Variants in KRT23 observed in about 807,000 individuals in gnomAD.
KRT23 encodes the protein keratin, type I cytoskeletal 23.
KRT23 carries 38 observed loss-of-function variants against 47.6 expected under a neutral mutation model. The ratio of observed to expected loss-of-function variants is 0.80; its 90% CI spans 0.62 to 1.05. The LOEUF (loss-of-function observed/expected upper bound fraction) is 1.05, where lower values mean the gene tolerates loss of function less well. KRT23 is among the 50% of genes least tolerant of loss of function. The pLI is 0.00. For synonymous variants in KRT23, 191 were observed against 199.0 expected (o/e 0.96, Z 0.34); for missense variants, 503 against 529.5 (o/e 0.95, Z 0.49).
intron 3 of KRT23, among the ~76,000 whole-genome samples, chr17:40,930,486 C>T (rs1026414668): frequency 6.6e-6 from 1 of 152,076 alleles, no homozygotes. Context: ...AATAAACAGG[C>T]CGGGCACGGT....
intron 6 of KRT23, among the ~76,000 whole-genome samples, chr17:40,927,957 C>A (rs1334062147): frequency 6.6e-6 from 1 of 152,118 alleles, no homozygotes; most frequent in Non-Finnish European, 1.5e-5. Flanking sequence ...GTTTTGGTTT[C>A]CTCATCTCTA....
At chr17:40,925,311 G>T in intron 7 of KRT23, 43 bp downstream of exon 7, 1 of 1,516,778 alleles carries the variant, frequency 6.6e-7, no homozygotes, top group Non-Finnish European at 9.2e-7. Flanking sequence ...CACAGGAGCT[G>T]GAGGTCCCTC....
intron 8 of KRT23, among the ~76,000 whole-genome samples, chr17:40,924,025 T>C (rs1909078944): frequency 6.6e-6 from 1 of 152,230 alleles, no homozygotes. Context: ...TTTAATACAC[T>C]GAACTGCAAC....
At position 40,922,947 on chromosome 17, in the gene KRT23, G is replaced by C; in HGVS notation, c.*42C>G. The C allele has an allele frequency of 6.9e-7, 1 of 1,439,124 alleles. No homozygotes were observed. The highest frequency in any genetic ancestry group is 9.8e-7 in the Non-Finnish European group (1 of 1,020,978). 89.1% of individuals were successfully genotyped at this position (1,439,124 alleles called of 1,614,324 possible). ...GGTGTCTGTGCAAGGACTTTCCTTGGGGGAAAATAGATTTTACAACAGGCG... is the reference window on the plus strand; with the variant it reads ...GGTGTCTGTGCAAGGACTTTCCTTGCGGGAAAATAGATTTTACAACAGGCG... On this transcript the variant is annotated 3_prime_UTR_variant, in exon 9 of 9. Transcript: ENST00000209718.
intron 3 of KRT23, among the ~76,000 whole-genome samples, chr17:40,931,149 C>T (rs3760336): frequency 0.12 from 18,192 of 151,176 alleles, 1,219 homozygotes; most frequent in East Asian, 0.2. Flanking sequence ...GTAGCTGGGA[C>T]TACAGGCGTG....
Position 40,929,996 on chromosome 17 carries a change from G to A in KRT23, c.580C>T (p.Gln194Ter), listed in dbSNP as rs747975380. The change falls in exon 4 of 9, where the codon CAG becomes TAG. Residue 194 changes from glutamine (Q) to a stop codon, truncating the protein, a stop_gained. Coordinates refer to ENST00000209718, the MANE Select transcript of KRT23 (RefSeq NM_015515.5). LOFTEE classifies it high-confidence loss of function. ...TCTTTCCTCATTCCTTCCACCTCCT[G>A]TTCTAGGTCTGTTGTGACAATGGTC... ...NLTIVTTDLEQEVEGMRKELI... is the reference protein window; with the variant it reads ...NLTIVTTDLE The A allele has an allele frequency of 4.3e-6, 7 of 1,614,128 alleles. No individual in the cohort carries two copies. The highest frequency in any genetic ancestry group is 5.9e-6 in the Non-Finnish European group (7 of 1,180,002).
chr17:40,928,202 G>A (rs1909351044), intron 6 of KRT23, 36 bp downstream of exon 6: 1 of 1,612,940 alleles, frequency 6.2e-7, no homozygotes, highest in Non-Finnish European at 8.5e-7. Context: ...TGAAGGAGGT[G>A]GTGTGGGATT....
rs180888146 is a variant in KRT23, at chr17:40,925,238, A to G, written c.1142+116T>C. ...TATAGGTATCTTCTGGAGTAGCTCA[A>G]CACAACTTTTCTCTTGCTAGAGTGA... On this transcript the variant is annotated intron_variant, in intron 7 of 8. Coordinates refer to ENST00000209718, the MANE Select transcript of KRT23 (RefSeq NM_015515.5). 2.3e-4 allele frequency: 195 copies of G among 843,718 alleles called. No homozygotes were observed. The East Asian group carries it at 3.1e-3, about 13-fold the overall frequency. 52.3% of individuals were successfully genotyped at this position (843,718 alleles called of 1,614,324 possible).
In KRT23 at chr17:40,922,850, C is replaced by T; in HGVS notation, c.*139G>A. On this transcript the variant is annotated 3_prime_UTR_variant, in exon 9 of 9. Coordinates refer to ENST00000209718, the MANE Select transcript of KRT23 (RefSeq NM_015515.5). Reference sequence around the variant, plus strand: ...GAGCATTATGAGAAGTCTGGTGAGACTGTTACAGAAAAAAAAAATAAAAGT... The same window carrying T: ...GAGCATTATGAGAAGTCTGGTGAGATTGTTACAGAAAAAAAAAATAAAAGT... 1 of 626,826 alleles carries T rather than the reference C, an allele frequency of 1.6e-6. No homozygotes were observed. The highest frequency in any genetic ancestry group is 2.0e-5 in the South Asian group (1 of 50,116). The allele number at this position is 626,826 out of a possible 1,614,324, so 38.8% of individuals were successfully genotyped here. A position where few individuals can be genotyped will look rare whatever the true frequency, so the allele number is the denominator to read the frequency against.
In KRT23 at chr17:40,936,702, T is replaced by A; in HGVS notation, c.-99A>T. 1.8e-6 allele frequency: 2 copies of A among 1,126,448 alleles called. No homozygotes were observed. The highest frequency in any genetic ancestry group is 2.4e-6 in the Non-Finnish European group (2 of 832,984). The allele number at this position is 1,126,448 out of a possible 1,614,324, so 69.8% of individuals were successfully genotyped here. A position where few individuals can be genotyped will look rare whatever the true frequency, so the allele number is the denominator to read the frequency against. On this transcript the variant is annotated 5_prime_UTR_variant, in exon 2 of 9. Transcript: ENST00000209718. The stretch of plus-strand genomic sequence containing the variant: ...CTGCCCTGGATGGTTTTATGGCCTT[T>A]GCTGTGGGAGTTCCCTTCTCTGACA...
chr17:40,928,755 C>T, intron 4 of KRT23, 148 bp from the exon 5 acceptor site: 1 of 660,926 alleles, frequency 1.5e-6, no homozygotes, highest in Admixed American at 2.8e-5. Flanking sequence ...TCAAATATTA[C>T]TTACTTGTTG....
At position 40,925,553 on chromosome 17, in the gene KRT23, A is replaced by G. The variant is rs1909177937; in HGVS notation, c.943T>C (p.Leu315=). ...GAGTACCGAGACTGGGTCTCGGATA[A>G]CATGTTTTCCAAAGCAGATTTCTGA... The part of the protein sequence containing the change: ...YSTKSALENM[L]SETQSRYSCK... Residue 315 remains leucine, a synonymous_variant, in exon 7 of 9, where the codon TTA becomes CTA. Transcript: ENST00000209718. The G allele has an allele frequency of 1.2e-6, 2 of 1,613,672 alleles. No homozygotes were observed. Among genetic ancestry groups the G allele is most frequent in the Non-Finnish European group, 8.5e-7 (1 of 1,179,658 alleles).
chr17:40,925,297 T>C (rs776253393), intron 7 of KRT23, 57 bp downstream of exon 7: 46 of 1,449,298 alleles, frequency 3.2e-5, no homozygotes, highest in Non-Finnish European at 4.5e-5. Flanking sequence ...TGCACACATA[T>C]ACCCACAGGA....
At chr17:40,928,711 A>G in intron 4 of KRT23, 104 bp from the exon 5 acceptor site, 1 of 1,060,950 alleles carries the variant, frequency 9.4e-7, no homozygotes, top group South Asian at 1.6e-5. Context: ...CATTCCGATT[A>G]TGTGGTTGCT....
Position 40,930,027 on chromosome 17 carries a change from G to T in KRT23, c.549C>A (p.Asp183Glu). The change falls in exon 4 of 9, where the codon GAC becomes GAA. Residue 183 changes from aspartate (D) to glutamate (E), a missense_variant. Asp to Glu is a conservative substitution (Grantham distance 45, BLOSUM62 2). Coordinates refer to ENST00000209718, the MANE Select transcript of KRT23 (RefSeq NM_015515.5). The part of the protein sequence containing the change: ...IEVEGLRRTL[D>E]NLTIVTTDLE... ...GGTCTGTTGTGACAATGGTCAGGTT[G>T]TCTAAGGTCCTTCGGAGGCCCTCGA... The T allele has an allele frequency of 6.2e-7, 1 of 1,614,082 alleles. No individual in the cohort carries two copies. The highest frequency in any genetic ancestry group is 2.2e-5 in the East Asian group (1 of 44,880).
At chr17:40,934,067 G>A (rs1484775546) in intron 2 of KRT23, among the ~76,000 whole-genome samples, 3 of 152,200 alleles carry the variant, frequency 2.0e-5, no homozygotes, top group Non-Finnish European at 4.4e-5. Context: ...CAAAAGGATT[G>A]AATTAATTTT....
At position 40,928,462 on chromosome 17, in the gene KRT23, G is replaced by T; in HGVS notation, c.782C>A (p.Thr261Asn). 6.2e-7 allele frequency: 1 copy of T among 1,614,080 alleles called. No homozygotes were observed. The highest frequency in any genetic ancestry group is 8.5e-7 in the Non-Finnish European group (1 of 1,180,028). Residue 261 changes from threonine to asparagine, a missense_variant, in exon 5 of 9, where the codon ACT becomes AAT. Thr to Asn is a moderately conservative substitution (Grantham distance 65). Transcript: ENST00000209718. ...TTCTTTTACCTGTTCTTTATACCAAGTGTCCAAGTCTCGATGCTTCTTCTT... is the reference window on the plus strand; with the variant it reads ...TTCTTTTACCTGTTCTTTATACCAATTGTCCAAGTCTCGATGCTTCTTCTT... ...IIKKKHRDLDTWYKEQSAAMS... is the reference protein window; with the variant it reads ...IIKKKHRDLDNWYKEQSAAMS...
intron 4 of KRT23, 80 bp downstream of exon 4, chr17:40,929,860 T>G (rs1909523746): frequency 2.3e-6 from 3 of 1,298,550 alleles, no homozygotes; most frequent in Non-Finnish European, 3.2e-6. Context: ...GGTGGTGGTT[T>G]CTTCTGTAGC....
rs984214515 is a variant in KRT23, at chr17:40,928,616, T to C, written c.637-9A>G. 6.2e-7 allele frequency: 1 copy of C among 1,609,092 alleles called. No homozygotes were observed. On this transcript the variant is annotated splice_polypyrimidine_tract_variant and intron_variant, in intron 4 of 8. Transcript: ENST00000209718. ...TGATGCTTCTCCATTTCCTATTTAA[T>C]AACAGAGAAAGGAAATGAACCGGCT...
Sources: gnomAD v4.1 joint callset for allele counts (sites outside exome capture counted in the v4.1 genomes callset) on GRCh38, gnomAD v4.1.1 for gene constraint, MANE v1.5 for transcripts, NCBI Gene and HGNC (gene_info 2026-07-23, HGNC 2026-07-21) for gene names.